DNAI3: variants seen among roughly 807,000 people sequenced by gnomAD.
DNAI3 encodes the protein WD repeat domain 63.
A neutral mutation model predicts 115.5 loss-of-function variants in DNAI3; 83 were observed. That is an observed-to-expected ratio of 0.72 (90% CI 0.60 to 0.86). The LOEUF (loss-of-function observed/expected upper bound fraction) is 0.86. Ranked by LOEUF, DNAI3 falls within the 40% of genes least tolerant of loss-of-function variation. The pLI, the probability that DNAI3 is intolerant of heterozygous loss-of-function variation, is 0.00. For missense variants in DNAI3, 1,004 were observed against 1,075.8 expected (o/e 0.93, Z 0.93); for synonymous variants, 320 against 347.0 (o/e 0.92, Z 0.86).
rs768234156 is a variant in DNAI3, at chr1:85,090,153, A to G, written c.778A>G (p.Arg260Gly). The G allele has an allele frequency of 8.2e-6, 13 of 1,588,870 alleles. No homozygotes were observed. The Admixed American group carries it at 2.1e-4, about 26-fold the overall frequency. Residue 260 changes from arginine (R) to glycine (G), a missense_variant, in exon 8 of 23, where the codon AGA becomes GGA. Around this residue, in one of 3 missense-constraint regions of DNAI3, gnomAD observed 550 missense variants for 568.1 expected, o/e 0.97. Coordinates refer to ENST00000294664, the MANE Select transcript of DNAI3 (RefSeq NM_145172.5). ...AAATGCTACTACGCAATATTATCCA[A>G]GAGAATTCTCAGAAGAGGAAAAAGA... ...PKNATTQYYP[R>G]EFSEEEKETL...
chr1:85,113,714 G>A (rs759239705), intron 16 of DNAI3, among the ~76,000 whole-genome samples: 3 of 151,798 alleles, frequency 2.0e-5, no homozygotes, highest in Non-Finnish European at 4.4e-5. Flanking sequence ...GGAACAGCTT[G>A]TTATGCATAA....
chr1:85,091,138 G>A (rs981144400), intron 8 of DNAI3, among the ~76,000 whole-genome samples: 3 of 151,854 alleles, frequency 2.0e-5, no homozygotes, highest in African/African-American at 7.3e-5. Flanking sequence ...TTTGCTATAC[G>A]GGCAATGAGA....
chr1:85,103,057 T>A (rs1423605938), intron 13 of DNAI3, among the ~76,000 whole-genome samples: 1 of 152,154 alleles, frequency 6.6e-6, no homozygotes, highest in Non-Finnish European at 1.5e-5. Context: ...GGTTTGTGAT[T>A]GTTTGGCTTC....
chr1:85,089,254 T>A (rs920491390), intron 7 of DNAI3, among the ~76,000 whole-genome samples: 4 of 151,752 alleles, frequency 2.6e-5, no homozygotes, highest in Non-Finnish European at 5.9e-5. Flanking sequence ...GAAGGTTAGA[T>A]AATTGGCTCA....
chr1:85,090,164 A>G lies in DNAI3; in HGVS notation c.789A>G (p.Ser263=), dbSNP rs1463766501. 2 of 1,593,316 alleles carry G rather than the reference A, an allele frequency of 1.3e-6. No homozygotes were observed. Residue 263 remains serine, a synonymous_variant, in exon 8 of 23, where the codon TCA becomes TCG. Coordinates refer to ENST00000294664, the MANE Select transcript of DNAI3 (RefSeq NM_145172.5). Reference sequence around the variant, plus strand: ...CGCAATATTATCCAAGAGAATTCTCAGAAGAGGAAAAAGAGACACTCAAAC... The same window carrying G: ...CGCAATATTATCCAAGAGAATTCTCGGAAGAGGAAAAAGAGACACTCAAAC... ...ATTQYYPREF[S]EEEKETLKQS...
At chr1:85,108,883 T>C (rs1434940672) in intron 15 of DNAI3, among the ~76,000 whole-genome samples, 1 of 152,198 alleles carries the variant, frequency 6.6e-6, no homozygotes, top group Non-Finnish European at 1.5e-5. Context: ...AATTTCCAAA[T>C]GGTGTGTGTA....
At position 85,126,623 on chromosome 1, in the gene DNAI3, T is replaced by C. The variant is rs1449520237; in HGVS notation, c.2225T>C (p.Ile742Thr). The C allele has an allele frequency of 1.2e-6, 2 of 1,614,024 alleles. No homozygotes were observed. The highest frequency in any genetic ancestry group is 1.3e-5 in the African/African-American group (1 of 74,908). Reference sequence around the variant, plus strand: ...GGCCGAGAAGATGGATACATTGATATCTGGGACCTTCTGGAGAAAACCCAT... The same window carrying C: ...GGCCGAGAAGATGGATACATTGATACCTGGGACCTTCTGGAGAAAACCCAT... The part of the protein sequence containing the change: ...YIGREDGYID[I>T]WDLLEKTHEP... The change falls in exon 20 of 23, where the codon ATC becomes ACC. Residue 742 changes from isoleucine (I) to threonine (T), a missense_variant. By Grantham distance (89) the Ile-to-Thr change is moderately conservative. This residue lies in a region of DNAI3 where 429 missense variants were observed against 454.3 expected (regional missense o/e 0.94). Coordinates refer to ENST00000294664, the MANE Select transcript of DNAI3 (RefSeq NM_145172.5).
intron 7 of DNAI3, among the ~76,000 whole-genome samples, chr1:85,087,997 A>G (rs934522673): frequency 2.0e-5 from 3 of 152,200 alleles, no homozygotes; most frequent in Admixed American, 2.0e-4. Context: ...AGACAGGCCA[A>G]AACAAGAGGC....
intron 3 of DNAI3, among the ~76,000 whole-genome samples, chr1:85,080,237 G>A (rs902977308): frequency 6.6e-6 from 1 of 151,684 alleles, no homozygotes; most frequent in Non-Finnish European, 1.5e-5. Context: ...ATTTTTAGTA[G>A]AGATGGGGTT....
intron 1 of DNAI3, among the ~76,000 whole-genome samples, chr1:85,068,806 A>G (rs1654176923): frequency 6.6e-6 from 1 of 152,138 alleles, no homozygotes; most frequent in South Asian, 2.1e-4. Context: ...TCCCTCCCCC[A>G]TTATCAGGAT....
chr1:85,091,159 A>C (rs181977220), intron 8 of DNAI3, among the ~76,000 whole-genome samples: 96 of 151,558 alleles, frequency 6.3e-4, no homozygotes, highest in Non-Finnish European at 4.7e-4. Context: ...TAGAAACAAG[A>C]AAACCTGAGT....
intron 3 of DNAI3, 77 bp downstream of exon 3, chr1:85,073,169 C>A: frequency 9.4e-7 from 1 of 1,068,434 alleles, no homozygotes; most frequent in South Asian, 2.0e-5. Context: ...AGCAGGAATA[C>A]TACAAACTGA....
Position 85,132,878 on chromosome 1 carries a change from AC to A in DNAI3, c.2557del (p.Gln853LysfsTer6). 1 of 1,613,848 alleles carries A rather than the reference AC, an allele frequency of 6.2e-7. No individual in the cohort carries two copies. The highest frequency in any genetic ancestry group is 8.5e-7 in the Non-Finnish European group (1 of 1,179,870). On this transcript the variant is annotated frameshift_variant, in exon 23 of 23. Transcript: ENST00000294664. LOFTEE classifies it low-confidence loss of function (END_TRUNC). Reference protein sequence around the residue: ...KVKTYQKSKEQMQAELKMDYE... With the variant: ...KVKTYQKSKEXMQAELKMDYE... ...AGAAAACATATCAGAAGTCAAAAGA[AC>A]AAATGCAGGCTGAATTAAAAATGGA... is the stretch of plus-strand genomic sequence containing the variant.
rs372664958 is a variant in DNAI3 at position 85,084,710 on chromosome 1, T to C, written c.540+15T>C. On this transcript the variant is annotated intron_variant, in intron 6 of 22. Transcript: ENST00000294664. Reference sequence around the variant, plus strand: ...CTACAAAGCAGGTTAGAGGGTTATATATGATCTGTAATCATTACCTCCCTG... The same window carrying C: ...CTACAAAGCAGGTTAGAGGGTTATACATGATCTGTAATCATTACCTCCCTG... 142 of 1,469,152 alleles carry C rather than the reference T, an allele frequency of 9.7e-5. 2 individuals are homozygous for C. The South Asian group carries it at 2.0e-3, about 21-fold the overall frequency. 91.0% of individuals were successfully genotyped at this position (1,469,152 alleles called of 1,614,324 possible).
rs1164843030 is a variant in DNAI3, at chr1:85,082,307, C to T, written c.293C>T (p.Pro98Leu). 2.5e-6 allele frequency: 4 copies of T among 1,611,710 alleles called. No homozygotes were observed. The highest frequency in any genetic ancestry group is 1.7e-6 in the Non-Finnish European group (2 of 1,178,422). Residue 98 changes from proline (P) to leucine (L), a missense_variant, in exon 5 of 23, where the codon CCT becomes CTT. Physicochemically the swap from Pro to Leu is moderately conservative, Grantham distance 98 (BLOSUM62 -3). Around this residue, in one of 3 missense-constraint regions of DNAI3, gnomAD observed 550 missense variants for 568.1 expected, o/e 0.97. Coordinates refer to ENST00000294664, the MANE Select transcript of DNAI3 (RefSeq NM_145172.5). ...HPVKKIVQEY[P>L]GNELLLVYDK... ...TCAATTATATTCTTGTAGGAATATC[C>T]TGGAAATGAGCTTCTGCTTGTTTAT...
Position 85,110,098 on chromosome 1 carries a change from A to G in DNAI3, c.1749A>G (p.Ile583Met). The stretch of plus-strand genomic sequence containing the variant: ...GTTTAGACCACTGTCCAACCAAGAT[A>G]AGCCTGAATGAAGACCATCTTCTTT... ...ETSLDHCPTK[I>M]SLNEDHLLCK... Residue 583 changes from isoleucine to methionine, a missense_variant, in exon 16 of 23, where the codon ATA (isoleucine) becomes ATG (methionine). Ile to Met is a conservative substitution (Grantham distance 10). Around this residue, in one of 3 missense-constraint regions of DNAI3, gnomAD observed 429 missense variants for 454.3 expected, o/e 0.94. Coordinates refer to ENST00000294664, the MANE Select transcript of DNAI3 (RefSeq NM_145172.5). 6.2e-7 allele frequency: 1 copy of G among 1,613,556 alleles called. No homozygotes were observed. Among genetic ancestry groups the G allele is most frequent in the East Asian group, 2.2e-5 (1 of 44,848 alleles).
intron 9 of DNAI3, 156 bp downstream of exon 9, chr1:85,093,804 T>C (rs537556810): frequency 8.4e-6 from 7 of 834,852 alleles, no homozygotes; most frequent in African/African-American, 6.7e-5. Context: ...ACGCCCTCAC[T>C]GTCATGTGTC....
At chr1:85,125,751 A>C (rs1656117542) in intron 19 of DNAI3, among the ~76,000 whole-genome samples, 1 of 152,190 alleles carries the variant, frequency 6.6e-6, no homozygotes, top group African/African-American at 2.4e-5. Context: ...TCTCTTATGC[A>C]TATATTGGAG....
chr1:85,086,004 A>G lies in DNAI3; in HGVS notation c.714A>G (p.Ile238Met), dbSNP rs146289743. ...TTGGCATGCAAGTAATCCCCCAAAT[A>G]AAGGACATAAGCACTCAGACAAAAT... ...KDVGMQVIPQ[I>M]KDISTQTKWT... Residue 238 changes from isoleucine (I) to methionine (M), a missense_variant, in exon 7 of 23, where the codon ATA becomes ATG. Coordinates refer to ENST00000294664, the MANE Select transcript of DNAI3 (RefSeq NM_145172.5). The G allele has an allele frequency of 6.2e-7, 1 of 1,613,976 alleles. No individual in the cohort carries two copies. Among genetic ancestry groups the G allele is most frequent in the Non-Finnish European group, 8.5e-7 (1 of 1,180,006 alleles).
Sources: gnomAD v4.1 joint callset for allele counts (sites outside exome capture counted in the v4.1 genomes callset) on GRCh38, gnomAD v4.1.1 for gene constraint, gnomAD v4.1.1 regional missense constraint, MANE v1.5 for transcripts, NCBI Gene and HGNC (gene_info 2026-07-23, HGNC 2026-07-21) for gene names.